Variants in CNTN1 observed in about 807,000 individuals in gnomAD.
CNTN1 encodes contactin-1.
In CNTN1, 38 loss-of-function variants were observed where a neutral mutation model predicts 126.4. The observed-to-expected ratio is 0.30, with a 90% CI of 0.23 to 0.39. The LOEUF is 0.39. Among genes scored for constraint, CNTN1 ranks in the 10% least tolerant of loss-of-function variants. CNTN1 has a pLI of 1.00. For missense variants in CNTN1, 1,009 were observed against 1,248.4 expected (o/e 0.81, Z 2.89); for synonymous variants, 413 against 422.6 (o/e 0.98, Z 0.28).
At chr12:40,732,902 ACTCT>A (rs975978004) in intron 1 of CNTN1, among the ~76,000 whole-genome samples, 2 of 151,916 alleles carry the variant, frequency 1.3e-5, no homozygotes, top group Admixed American at 6.6e-5. Context: ...ATTTTTTATT[ACTCT>A]CTCTCCTTAC....
chr12:40,946,970 TA>T (rs1253549722), intron 14 of CNTN1, among the ~76,000 whole-genome samples: 1 of 152,054 alleles, frequency 6.6e-6, no homozygotes, highest in Non-Finnish European at 1.5e-5. Flanking sequence ...TTTTTCTAAT[TA>T]AAGTTATGTA....
In CNTN1 at chr12:40,758,086, T is replaced by A. The variant is rs1262354161; in HGVS notation, c.-77+65494T>A. Reference sequence around the variant, plus strand: ...TCTTCTTACACTTTAATTTGGTGCCTTAGAGAAAGAAATTTTTTCCACATT... The same window carrying A: ...TCTTCTTACACTTTAATTTGGTGCCATAGAGAAAGAAATTTTTTCCACATT... On this transcript the variant is annotated intron_variant, in intron 1 of 23. Transcript: ENST00000551295. 2.6e-5 allele frequency among the ~76,000 whole-genome samples: 4 copies of A among 151,108 alleles called. No homozygotes were observed. The South Asian group carries it at 8.4e-4, about 32-fold the overall frequency.
chr12:40,704,556 C>G (rs1941686877), intron 1 of CNTN1, among the ~76,000 whole-genome samples: 1 of 152,060 alleles, frequency 6.6e-6, no homozygotes, highest in South Asian at 2.1e-4. Flanking sequence ...TTTTAAAAGC[C>G]ATAAAAATTC....
At chr12:41,024,071 A>G (rs1269467521) in intron 20 of CNTN1, among the ~76,000 whole-genome samples, 3 of 152,128 alleles carry the variant, frequency 2.0e-5, no homozygotes, top group African/African-American at 7.2e-5. Flanking sequence ...AAAGGGAAGC[A>G]TTCATCCACT....
chr12:40,782,127 A>G (rs1939827813), intron 1 of CNTN1, among the ~76,000 whole-genome samples: 1 of 151,968 alleles, frequency 6.6e-6, no homozygotes. Context: ...ATCTATCAAT[A>G]TGCACACATA....
At chr12:41,008,049 G>A (rs752728667) in intron 17 of CNTN1, among the ~76,000 whole-genome samples, 100 of 152,272 alleles carry the variant, frequency 6.6e-4, no homozygotes, top group Admixed American at 1.1e-3. Flanking sequence ...CCTAATTGCT[G>A]TTAGTGGTCA....
At chr12:40,849,986 T>C (rs558909773) in intron 1 of CNTN1, among the ~76,000 whole-genome samples, 4 of 152,174 alleles carry the variant, frequency 2.6e-5, no homozygotes, top group African/African-American at 9.6e-5. Context: ...TCTATATATA[T>C]ATATGTGGGT....
intron 23 of CNTN1, among the ~76,000 whole-genome samples, chr12:41,066,800 G>A (rs574521127): frequency 2.0e-5 from 3 of 152,040 alleles, no homozygotes; most frequent in Admixed American, 1.3e-4. Context: ...TCCATATAGC[G>A]GGAATTCTCC....
chr12:41,024,513 A>G (rs1304836409), intron 20 of CNTN1, among the ~76,000 whole-genome samples: 1 of 152,170 alleles, frequency 6.6e-6, no homozygotes, highest in Non-Finnish European at 1.5e-5. Context: ...TTTCTAATGA[A>G]AAAATCGATA....
At chr12:41,012,942 A>G (rs919413852) in intron 17 of CNTN1, among the ~76,000 whole-genome samples, 1 of 152,174 alleles carries the variant, frequency 6.6e-6, no homozygotes, top group Non-Finnish European at 1.5e-5. Flanking sequence ...AACTTAGGAC[A>G]TGGATACACA....
chr12:40,868,428 T>A (rs1365045063), intron 1 of CNTN1, among the ~76,000 whole-genome samples: 1 of 152,142 alleles, frequency 6.6e-6, no homozygotes, highest in East Asian at 1.9e-4. Context: ...TCAGTACTTA[T>A]GTGGTTCAAC....
intron 1 of CNTN1, among the ~76,000 whole-genome samples, chr12:40,832,203 C>G (rs979291696): frequency 2.6e-5 from 4 of 152,154 alleles, no homozygotes; most frequent in African/African-American, 9.7e-5. Context: ...ACTCCTGAAT[C>G]AGATAAATTC....
At position 41,002,719 on chromosome 12, in the gene CNTN1, G is replaced by A. The variant is rs202085212; in HGVS notation, c.2113+9450G>A. Among the ~76,000 whole-genome samples the A allele has an allele frequency of 9.4e-4, 142 of 151,862 alleles. 1 individual carries two copies. Among genetic ancestry groups the A allele is most frequent in the East Asian group, 4.5e-3 (23 of 5,138 alleles). On this transcript the variant is annotated intron_variant, in intron 17 of 23. Coordinates refer to ENST00000551295, the MANE Select transcript of CNTN1 (RefSeq NM_001843.4). ...ACCACAGGTGCCTACCACCACGCTC[G>A]GCTAATTCTTTGTATTTTTAGTAGA...
chr12:40,801,627 G>GA (rs1940657644), intron 1 of CNTN1, among the ~76,000 whole-genome samples: 1 of 151,852 alleles, frequency 6.6e-6, no homozygotes, highest in Non-Finnish European at 1.5e-5. Context: ...ATTTGGAAAA[G>GA]AATAGGGAGA....
At chr12:41,051,166 G>A (rs1281935247) in intron 23 of CNTN1, among the ~76,000 whole-genome samples, 1 of 38,154 alleles carries the variant, frequency 2.6e-5, no homozygotes, top group East Asian at 6.9e-4. Context: ...TTTTTTTTTT[G>A]AGACGGAGTC....
chr12:40,864,384 T>C (rs566679096), intron 1 of CNTN1, among the ~76,000 whole-genome samples: 1 of 152,198 alleles, frequency 6.6e-6, no homozygotes, highest in South Asian at 2.1e-4. Context: ...AATTCACCCA[T>C]TTAAAGTGTA....
In CNTN1 at chr12:40,800,361, A is replaced by G. The variant is rs547374603; in HGVS notation, c.-77+107769A>G. Among the ~76,000 whole-genome samples the G allele has an allele frequency of 9.2e-5, 14 of 152,104 alleles. 1 individual carries two copies. The highest frequency in any genetic ancestry group is 3.4e-4 in the African/African-American group (14 of 41,528). On this transcript the variant is annotated intron_variant, in intron 1 of 23. Coordinates refer to ENST00000551295, the MANE Select transcript of CNTN1 (RefSeq NM_001843.4). ...TCAATTAAAATTTTTTATTTTATAAATTACCCAGTCTTGGGTATTTCTTCG... is the reference window on the plus strand; with the variant it reads ...TCAATTAAAATTTTTTATTTTATAAGTTACCCAGTCTTGGGTATTTCTTCG...
chr12:40,904,495 C>G (rs1231918833), intron 1 of CNTN1, among the ~76,000 whole-genome samples: 1 of 151,624 alleles, frequency 6.6e-6, no homozygotes, highest in Non-Finnish European at 1.5e-5. Context: ...GTGGCATGAT[C>G]TCCACTCACT....
intron 5 of CNTN1, 141 bp from the exon 6 acceptor site, chr12:40,924,416 C>G (rs1399191582): frequency 3.0e-6 from 2 of 659,496 alleles, no homozygotes; most frequent in Admixed American, 2.1e-5. Context: ...GAACGAGGAG[C>G]TGACTTTACT....
Sources: allele counts gnomAD v4.1 joint callset (sites outside exome capture counted in the v4.1 genomes callset), GRCh38; gene constraint gnomAD v4.1.1; transcripts MANE v1.5; gene names NCBI Gene and HGNC (gene_info 2026-07-23, HGNC 2026-07-21).